Variants in CDH18 observed in about 807,000 individuals in gnomAD.
CDH18 encodes cadherin-18.
A neutral mutation model predicts 67.9 loss-of-function variants in CDH18; 31 were observed. The observed-to-expected ratio is 0.46, with a 90% CI of 0.34 to 0.62. The LOEUF is 0.62. CDH18 is among the 20% of genes least tolerant of loss of function. CDH18 has a pLI of 0.01. For missense variants in CDH18, 890 were observed against 975.5 expected, an observed-to-expected ratio of 0.91 and a Z score of 1.17; for synonymous variants, 362 against 347.2, an observed-to-expected ratio of 1.04 and a Z score of -0.48.
intron 1 of CDH18, among the ~76,000 whole-genome samples, chr5:20,369,941 G>A (rs146910076): frequency 3.0e-4 from 46 of 152,152 alleles, no homozygotes; most frequent in African/African-American, 4.8e-4. Flanking sequence ...CATGTGCTAC[G>A]GTGGTTTGCT....
At chr5:20,216,128 A>T (rs1432687861) in intron 2 of CDH18, among the ~76,000 whole-genome samples, 1 of 151,836 alleles carries the variant, frequency 6.6e-6, no homozygotes, top group Non-Finnish European at 1.5e-5. Flanking sequence ...ATTTAAAATA[A>T]AAGTTAAAAA....
chr5:19,649,463 T>C (rs1380852525), intron 5 of CDH18, among the ~76,000 whole-genome samples: 1 of 152,060 alleles, frequency 6.6e-6, no homozygotes, highest in East Asian at 1.9e-4. Context: ...TTAAGAAATA[T>C]CCAAAAATAT....
chr5:19,939,708 A>G (rs1047242065), intron 2 of CDH18, among the ~76,000 whole-genome samples: 1 of 151,986 alleles, frequency 6.6e-6, no homozygotes, highest in South Asian at 2.1e-4. Flanking sequence ...TGAAATTTAT[A>G]TAATGTAAAG....
intron 5 of CDH18, among the ~76,000 whole-genome samples, chr5:19,672,562 TC>T (rs1414189106): frequency 9.2e-5 from 14 of 152,180 alleles, no homozygotes; most frequent in African/African-American, 3.1e-4. Context: ...AATATTCTAA[TC>T]CTCACAAATG....
chr5:20,424,293 A>T (rs958078620), intron 1 of CDH18, among the ~76,000 whole-genome samples: 6 of 151,052 alleles, frequency 4.0e-5, no homozygotes, highest in Non-Finnish European at 5.9e-5. Context: ...TATTGTTTTC[A>T]TCGAGAGGAT....
At chr5:20,512,685 A>C (rs1581133417) in intron 1 of CDH18, among the ~76,000 whole-genome samples, 1 of 152,004 alleles carries the variant, frequency 6.6e-6, no homozygotes, top group African/African-American at 2.4e-5. Flanking sequence ...GGAGTTCGAG[A>C]CCAGCCTGGC....
chr5:20,030,441 C>T (rs534577281), intron 2 of CDH18, among the ~76,000 whole-genome samples: 5 of 152,210 alleles, frequency 3.3e-5, no homozygotes, highest in African/African-American at 1.2e-4. Context: ...AATCTTACAT[C>T]TGATTATTGT....
At chr5:20,464,157 A>G (rs1490008023) in intron 1 of CDH18, among the ~76,000 whole-genome samples, 2 of 152,210 alleles carry the variant, frequency 1.3e-5, no homozygotes, top group Non-Finnish European at 2.9e-5. Flanking sequence ...TATAAGCAAC[A>G]ACAGTATCTA....
intron 4 of CDH18, among the ~76,000 whole-genome samples, chr5:19,724,927 C>T (rs1343149279): frequency 3.3e-5 from 4 of 122,322 alleles, no homozygotes; most frequent in East Asian, 2.8e-4. Flanking sequence ...CATATTAAGG[C>T]CTTTTTTTTT....
At chr5:20,460,208 T>C (rs1751151905) in intron 1 of CDH18, among the ~76,000 whole-genome samples, 1 of 151,648 alleles carries the variant, frequency 6.6e-6, no homozygotes, top group African/African-American at 2.4e-5. Flanking sequence ...TCCTGGCCAA[T>C]GTGGTGAAAC....
rs1347089787 is a variant in CDH18, at chr5:19,503,074, A to C, written c.1548T>G (p.Asp516Glu). The C allele has an allele frequency of 6.2e-7, 1 of 1,609,438 alleles. No homozygotes were observed. Among genetic ancestry groups the C allele is most frequent in the African/African-American group, 1.3e-5 (1 of 74,818 alleles). The stretch of plus-strand genomic sequence containing the variant: ...AGTTAAACCTTGGTCCATTGGCAAA[A>C]TCATCTTTATCAGTGGCACTGATGG... Reference protein sequence around the residue: ...IHTISATDKDDFANGPRFNFF... With the variant: ...IHTISATDKDEFANGPRFNFF... The change falls in exon 11 of 13, where the codon GAT becomes GAG. Residue 516 changes from aspartate (D) to glutamate (E), a missense_variant. Physicochemically the swap from Asp to Glu is conservative, Grantham distance 45. Coordinates refer to ENST00000382275, the MANE Select transcript of CDH18 (RefSeq NM_004934.5).
intron 6 of CDH18, among the ~76,000 whole-genome samples, chr5:19,595,806 C>T (rs1220515451): frequency 6.6e-6 from 1 of 152,208 alleles, no homozygotes; most frequent in African/African-American, 2.4e-5. Context: ...AATAAACTCA[C>T]AGCAAAGTAA....
chr5:19,999,511 A>T (rs1736274511), intron 2 of CDH18, among the ~76,000 whole-genome samples: 1 of 152,184 alleles, frequency 6.6e-6, no homozygotes, highest in Non-Finnish European at 1.5e-5. Context: ...CTGAGGCAAG[A>T]TAATCGCTTG....
At position 19,857,467 on chromosome 5, in the gene CDH18, A is replaced by C. The variant is rs190253584; in HGVS notation, c.-256-18225T>G. 1.4e-4 allele frequency among the ~76,000 whole-genome samples: 21 copies of C among 152,316 alleles called. No homozygotes were observed. The East Asian group carries it at 3.7e-3, about 27-fold the overall frequency. ...ACTGGATGTTATAATCATTTAAAAA[A>C]TAATGCCTTTAACACACATAGTACA... On this transcript the variant is annotated intron_variant, in intron 2 of 12. Coordinates refer to ENST00000382275, the MANE Select transcript of CDH18 (RefSeq NM_004934.5).
chr5:19,918,904 A>C (rs746585703), intron 2 of CDH18, among the ~76,000 whole-genome samples: 6 of 152,140 alleles, frequency 3.9e-5, no homozygotes, highest in Non-Finnish European at 8.8e-5. Context: ...TGCTAATGAG[A>C]TGTCTGGTGG....
At chr5:19,790,422 A>C (rs1237202932) in intron 3 of CDH18, among the ~76,000 whole-genome samples, 1 of 152,204 alleles carries the variant, frequency 6.6e-6, no homozygotes, top group African/African-American at 2.4e-5. Flanking sequence ...ACAGTGGCAT[A>C]ATGATGAACG....
At chr5:19,702,007 A>G (rs1251347664) in intron 5 of CDH18, among the ~76,000 whole-genome samples, 1 of 152,118 alleles carries the variant, frequency 6.6e-6, no homozygotes, top group African/African-American at 2.4e-5. Flanking sequence ...TAAGTGGCTA[A>G]TATGGTCCAA....
intron 1 of CDH18, among the ~76,000 whole-genome samples, chr5:20,445,691 G>T (rs529197030): frequency 6.6e-6 from 1 of 152,148 alleles, no homozygotes; most frequent in African/African-American, 2.4e-5. Context: ...GGCTTAGCAG[G>T]ATTCTTTGAT....
intron 5 of CDH18, among the ~76,000 whole-genome samples, chr5:19,679,270 T>C (rs532898281): frequency 6.6e-6 from 1 of 151,920 alleles, no homozygotes; most frequent in African/African-American, 2.4e-5. Context: ...ATGTTGAAAA[T>C]TCTCAACAAA....
Sources: gnomAD v4.1 joint callset for allele counts (sites outside exome capture counted in the v4.1 genomes callset) on GRCh38, gnomAD v4.1.1 for gene constraint, MANE v1.5 for transcripts, NCBI Gene and HGNC (gene_info 2026-07-23, HGNC 2026-07-21) for gene names.